The following ZBTB7C variants were observed in gnomAD, a reference collection of about 807,000 sequenced individuals.
The protein encoded by ZBTB7C is zinc finger and BTB domain-containing protein 7C.
ZBTB7C carries 8 observed loss-of-function variants against 25.7 expected under a neutral mutation model. The ratio of observed to expected loss-of-function variants is 0.31; its 90% CI spans 0.18 to 0.56. ZBTB7C has a LOEUF of 0.56. Ranked by LOEUF, ZBTB7C falls within the 20% of genes least tolerant of loss-of-function variation. ZBTB7C has a pLI of 0.91. For synonymous variants in ZBTB7C, 394 were observed against 369.0 expected (o/e 1.07, Z -0.78); for missense variants, 824 against 855.2 (o/e 0.96, Z 0.46).
At chr18:48,257,598 C>T (rs2044055965) in intron 2 of ZBTB7C, among the ~76,000 whole-genome samples, 1 of 151,974 alleles carries the variant, frequency 6.6e-6, no homozygotes, top group Non-Finnish European at 1.5e-5. Context: ...CAAAACATTA[C>T]AAGAAAAGAA....
intron 2 of ZBTB7C, among the ~76,000 whole-genome samples, chr18:48,229,171 G>A (rs1257743608): frequency 1.3e-5 from 2 of 152,008 alleles, no homozygotes; most frequent in African/African-American, 2.4e-5. Flanking sequence ...CCCAGACCCC[G>A]ACATTCTGCC....
At chr18:48,126,792 T>C (rs2039815399) in intron 3 of ZBTB7C, among the ~76,000 whole-genome samples, 1 of 152,004 alleles carries the variant, frequency 6.6e-6, no homozygotes. Flanking sequence ...AGGCTGAGCA[T>C]TTGTGTGGAG....
chr18:48,258,580 T>C (rs2044084108), intron 2 of ZBTB7C, among the ~76,000 whole-genome samples: 1 of 152,206 alleles, frequency 6.6e-6, no homozygotes, highest in Admixed American at 6.5e-5. Flanking sequence ...ACCATGTTCA[T>C]AGGTTGGAAG....
At chr18:48,333,879 T>C (rs1373538843) in intron 2 of ZBTB7C, among the ~76,000 whole-genome samples, 3 of 152,166 alleles carry the variant, frequency 2.0e-5, no homozygotes, top group African/African-American at 7.2e-5. Flanking sequence ...GAAAACACTG[T>C]CTCAATGCCC....
At chr18:48,220,099 C>A (rs1251453750) in intron 2 of ZBTB7C, among the ~76,000 whole-genome samples, 1 of 152,228 alleles carries the variant, frequency 6.6e-6, no homozygotes, top group Admixed American at 6.5e-5. Flanking sequence ...GTGAACTCAA[C>A]ATCTGCTCTG....
chr18:48,327,899 T>C (rs1343938349), intron 2 of ZBTB7C, among the ~76,000 whole-genome samples: 1 of 151,858 alleles, frequency 6.6e-6, no homozygotes, highest in African/African-American at 2.4e-5. Context: ...GCCATATATA[T>C]AAACAGTTTT....
intron 3 of ZBTB7C, among the ~76,000 whole-genome samples, chr18:48,142,595 C>T (rs1423271062): frequency 6.6e-6 from 1 of 152,170 alleles, no homozygotes; most frequent in Non-Finnish European, 1.5e-5. Flanking sequence ...CACCATCAGG[C>T]ACCCACTGTG....
intron 3 of ZBTB7C, among the ~76,000 whole-genome samples, chr18:48,125,837 G>A (rs1476496010): frequency 6.6e-6 from 1 of 152,206 alleles, no homozygotes; most frequent in Admixed American, 6.5e-5. Flanking sequence ...GGTGTGGTGT[G>A]GCTGCACTGA....
intron 2 of ZBTB7C, among the ~76,000 whole-genome samples, chr18:48,200,301 C>T (rs186155813): frequency 1.3e-5 from 2 of 152,178 alleles, no homozygotes; most frequent in South Asian, 4.2e-4. Context: ...AAAACCCAAC[C>T]GAGACATATT....
chr18:48,033,132 A>AC (rs1445260453), intron 4 of ZBTB7C, among the ~76,000 whole-genome samples: 1 of 152,140 alleles, frequency 6.6e-6, no homozygotes, highest in Non-Finnish European at 1.5e-5. Flanking sequence ...TAAACCTAGG[A>AC]CCAGACATCA....
At chr18:48,109,177 G>T (rs1157698359) in intron 3 of ZBTB7C, among the ~76,000 whole-genome samples, 11 of 152,162 alleles carry the variant, frequency 7.2e-5, no homozygotes, top group Non-Finnish European at 1.2e-4. Context: ...GGTGGCGGCT[G>T]TCACAGGCCT....
rs61729533 is a variant in ZBTB7C, at chr18:48,040,298, C to T, written c.810G>A (p.Leu270=). Residue 270 remains leucine (L), a synonymous_variant, in exon 4 of 5, where the codon CTG becomes CTA. Transcript: ENST00000590800. The part of the protein sequence containing the change: ...WPGDFGAFAQ[L]PEQPMDSGPL... ...GCCCACTGTCCATGGGCTGCTCAGG[C>T]AGCTGGGCAAAGGCACCGAAGTCCC... is the stretch of plus-strand genomic sequence containing the variant. The T allele has an allele frequency of 6.1e-3, 9,543 of 1,575,972 alleles. 285 individuals carry two copies. In the East Asian group the frequency reaches 0.089, roughly 15 times the overall value.
chr18:48,296,536 A>C (rs1356561957), intron 2 of ZBTB7C, among the ~76,000 whole-genome samples: 1 of 152,188 alleles, frequency 6.6e-6, no homozygotes. Context: ...TATTTTTAAA[A>C]ATTAGGTAAT....
chr18:48,299,743 T>C (rs1385046444), intron 2 of ZBTB7C, among the ~76,000 whole-genome samples: 1 of 152,214 alleles, frequency 6.6e-6, no homozygotes, highest in African/African-American at 2.4e-5. Context: ...GAGCGCAGCA[T>C]GTGCAAAGGC....
intron 2 of ZBTB7C, among the ~76,000 whole-genome samples, chr18:48,193,230 A>G (rs1347842953): frequency 1.3e-5 from 2 of 152,166 alleles, no homozygotes; most frequent in Non-Finnish European, 2.9e-5. Flanking sequence ...ACCTCCGGCT[A>G]TTAGGCAATG....
At chr18:48,289,857 T>C (rs1057503755) in intron 2 of ZBTB7C, among the ~76,000 whole-genome samples, 15 of 151,912 alleles carry the variant, frequency 9.9e-5, no homozygotes, top group African/African-American at 3.6e-4. Flanking sequence ...CCTAGAAGGG[T>C]GCATGTTAGT....
At chr18:48,265,593 T>G (rs1166149722) in intron 2 of ZBTB7C, among the ~76,000 whole-genome samples, 1 of 152,114 alleles carries the variant, frequency 6.6e-6, no homozygotes, top group Non-Finnish European at 1.5e-5. Flanking sequence ...CAGAGTGCAA[T>G]AAAAGAGCCC....
chr18:48,167,303 T>C (rs2041284292), intron 3 of ZBTB7C, among the ~76,000 whole-genome samples: 1 of 152,188 alleles, frequency 6.6e-6, no homozygotes, highest in South Asian at 2.1e-4. Context: ...TTTTCACCCT[T>C]TGGCGCCAGA....
chr18:48,263,903 T>C (rs1384719622), intron 2 of ZBTB7C, among the ~76,000 whole-genome samples: 1 of 152,172 alleles, frequency 6.6e-6, no homozygotes, highest in Non-Finnish European at 1.5e-5. Context: ...CAAATGGAGT[T>C]AATAAATCAA....
Sources: allele counts gnomAD v4.1 joint callset (sites outside exome capture counted in the v4.1 genomes callset), GRCh38; gene constraint gnomAD v4.1.1; transcripts MANE v1.5; gene names NCBI Gene and HGNC (gene_info 2026-07-23, HGNC 2026-07-21).